The following INTS4 variants were observed in gnomAD, a reference collection of about 807,000 sequenced individuals.
INTS4 encodes MSTP093.
INTS4 carries 70 observed loss-of-function variants against 119.5 expected under a neutral mutation model. The ratio of observed to expected loss-of-function variants is 0.59; its 90% confidence interval spans 0.48 to 0.71. INTS4 has a LOEUF of 0.71. Ranked by LOEUF, INTS4 falls within the 30% of genes least tolerant of loss-of-function variation. The pLI is 0.00. For synonymous variants in INTS4, 316 were observed against 419.6 expected (o/e 0.75, Z 3.02); for missense variants, 867 against 1,173.2 (o/e 0.74, Z 3.81).
intron 4 of INTS4, among the ~76,000 whole-genome samples, chr11:77,968,213 T>C (rs897409650): frequency 2.0e-5 from 3 of 152,224 alleles, no homozygotes; most frequent in African/African-American, 7.2e-5. Context: ...TGATGCATGC[T>C]GTAATTGATA....
chr11:77,874,449 C>T (rs1375462598), downstream of INTS4, among the ~76,000 whole-genome samples: 1 of 147,982 alleles, frequency 6.8e-6, no homozygotes, highest in African/African-American at 2.5e-5. Context: ...TGTAATCATT[C>T]TTCCTAAGTG....
At chr11:77,940,822 G>A (rs1383371821) in intron 9 of INTS4, among the ~76,000 whole-genome samples, 4 of 152,014 alleles carry the variant, frequency 2.6e-5, no homozygotes, top group Non-Finnish European at 5.9e-5. Flanking sequence ...GTTTAGTTGA[G>A]ACAGGGTTCA....
At chr11:77,920,872 A>G (rs979542838) in intron 14 of INTS4, among the ~76,000 whole-genome samples, 5 of 150,386 alleles carry the variant, frequency 3.3e-5, no homozygotes, top group Non-Finnish European at 5.9e-5. Flanking sequence ...AATAATAAAA[A>G]TAAATAAATA....
rs970853185 is a variant in INTS4, at chr11:77,890,134, C to T, written c.2592+1185G>A. On this transcript the variant is annotated intron_variant, in intron 21 of 22. Coordinates refer to ENST00000534064, the MANE Select transcript of INTS4 (RefSeq NM_033547.4). The stretch of plus-strand genomic sequence containing the variant: ...CCTAAAGTGCAGTGAAGGTGGACAA[C>T]CACTAATGTGGAAAAAAACAAACAA... Among the ~76,000 whole-genome samples the T allele has an allele frequency of 7.2e-5, 11 of 152,272 alleles. 1 individual carries two copies. The highest frequency in any genetic ancestry group is 7.2e-4 in the Admixed American group (11 of 15,288).
intron 8 of INTS4, among the ~76,000 whole-genome samples, chr11:77,954,000 G>A (rs941123918): frequency 1.3e-5 from 2 of 151,822 alleles, no homozygotes; most frequent in African/African-American, 4.8e-5. Flanking sequence ...TTTTAGTAGA[G>A]ACGGGGTTTC....
At chr11:77,922,235 A>C (rs1261303260) in intron 13 of INTS4, 121 bp downstream of exon 13, 16 of 1,356,784 alleles carry the variant, frequency 1.2e-5, no homozygotes, top group Non-Finnish European at 1.6e-5. Flanking sequence ...CTTCAAAAAA[A>C]AAAAAAAAAA....
rs915413817 is a variant in INTS4, at chr11:77,883,845, G to A, written c.2700C>T (p.His900=). 37 of 1,612,810 alleles carry A rather than the reference G, an allele frequency of 2.3e-5. No homozygotes were observed. The Admixed American group carries it at 3.2e-4, about 14-fold the overall frequency. Residue 900 remains histidine, a synonymous_variant, in exon 22 of 23, where the codon CAC becomes CAT. Coordinates refer to ENST00000534064, the MANE Select transcript of INTS4 (RefSeq NM_033547.4). ...HRLITQVYLS[H]TAWTEACQVE... The stretch of plus-strand genomic sequence containing the variant: ...CTGACTCCTTACCTGTCCAAGCGGT[G>A]TGGGAGAGATAAACCTGAGTGATGA...
At chr11:77,987,320 C>A in intron 2 of INTS4, 1 of 165,332 alleles carries the variant, frequency 6.0e-6, no homozygotes, top group Non-Finnish European at 1.3e-5. Context: ...GGATACTAAA[C>A]AGCTCTAAGC....
At chr11:77,974,027 G>A (rs1283630846) in intron 4 of INTS4, among the ~76,000 whole-genome samples, 2 of 152,122 alleles carry the variant, frequency 1.3e-5, no homozygotes, top group East Asian at 3.9e-4. Flanking sequence ...TCAATATTTG[G>A]TAGAATTCAC....
intron 11 of INTS4, among the ~76,000 whole-genome samples, chr11:77,927,800 C>T (rs988622145): frequency 6.6e-6 from 1 of 152,190 alleles, no homozygotes; most frequent in Admixed American, 6.5e-5. Context: ...TCTATAGCCA[C>T]GTCCTCCACT....
chr11:77,914,200 G>A (rs1353964911), intron 15 of INTS4, among the ~76,000 whole-genome samples: 2 of 152,162 alleles, frequency 1.3e-5, no homozygotes, highest in African/African-American at 4.8e-5. Context: ...GAAACACAGA[G>A]CCCCAAACTT....
At chr11:77,895,697 A>C (rs1431294383) in intron 18 of INTS4, among the ~76,000 whole-genome samples, 7 of 152,102 alleles carry the variant, frequency 4.6e-5, no homozygotes, top group Admixed American at 4.6e-4. Flanking sequence ...AAAGGAAAGC[A>C]ATTTGGCCAA....
At chr11:77,878,335 C>CTGAGCG (rs1184901999), downstream of INTS4, among the ~76,000 whole-genome samples, 1 of 151,160 alleles carries the variant, frequency 6.6e-6, no homozygotes, top group Non-Finnish European at 1.5e-5. Context: ...GCACTCCAGC[C>CTGAGCG]TGAGCGACAC....
chr11:77,978,221 A>C (rs1856032947), intron 4 of INTS4: 2 of 152,126 alleles, frequency 1.3e-5, no homozygotes, highest in African/African-American at 4.8e-5. Context: ...TGTACTTGTC[A>C]AAGTGTTTTT....
rs779979726 is a variant in INTS4, at chr11:77,878,991, C to T, written c.2850G>A (p.Lys950=). ...TGGGCATTATATAAACTTTTACAGGCTTGCTGAAGGGAATGGTGCCCTCGA... is the reference window on the plus strand; with the variant it reads ...TGGGCATTATATAAACTTTTACAGGTTTGCTGAAGGGAATGGTGCCCTCGA... ...TSIEGTIPFS[K]PVKVYIMPKP... The change falls in exon 23 of 23, where the codon AAG becomes AAA. Residue 950 remains lysine, a synonymous_variant. Transcript: ENST00000534064. The T allele has an allele frequency of 1.2e-6, 2 of 1,613,964 alleles. No homozygotes were observed. Among genetic ancestry groups the T allele is most frequent in the East Asian group, 2.2e-5 (1 of 44,884 alleles).
intron 15 of INTS4, among the ~76,000 whole-genome samples, chr11:77,913,486 T>C (rs935424247): frequency 3.3e-5 from 5 of 152,044 alleles, no homozygotes; most frequent in African/African-American, 9.7e-5. Flanking sequence ...TAATTTTTTG[T>C]ATTTTTAGTA....
chr11:77,976,083 T>C (rs993286761), intron 4 of INTS4, among the ~76,000 whole-genome samples: 18 of 151,824 alleles, frequency 1.2e-4, no homozygotes, highest in Non-Finnish European at 2.2e-4. Context: ...AGGAAAAACA[T>C]ATGAAAAAGA....
intron 11 of INTS4, 51 bp downstream of exon 11, chr11:77,928,291 A>C: frequency 6.3e-7 from 1 of 1,594,958 alleles, no homozygotes; most frequent in Non-Finnish European, 8.6e-7. Context: ...CCTGATTTTA[A>C]CAGGGGGGGG....
chr11:77,975,532 T>A (rs1184497496), intron 4 of INTS4, among the ~76,000 whole-genome samples: 1 of 152,040 alleles, frequency 6.6e-6, no homozygotes, highest in Non-Finnish European at 1.5e-5. Context: ...ATGATAGTCA[T>A]AAACCAAAAT....
Sources: gnomAD v4.1 joint callset for allele counts (sites outside exome capture counted in the v4.1 genomes callset) on GRCh38, gnomAD v4.1.1 for gene constraint, MANE v1.5 for transcripts, NCBI Gene and HGNC (gene_info 2026-07-23, HGNC 2026-07-21) for gene names.